FOCAD: variants seen among roughly 807,000 people sequenced by gnomAD.
FOCAD encodes the protein focadhesin, also known as KIAA1797.
A neutral mutation model predicts 225.6 loss-of-function variants in FOCAD; 198 were observed. The ratio of observed to expected loss-of-function variants is 0.88; its 90% CI spans 0.78 to 0.99. The LOEUF is 0.99. FOCAD is among the 50% of genes least tolerant of loss of function. The pLI, the probability that FOCAD is intolerant of heterozygous loss-of-function variation, is 0.00. For synonymous variants in FOCAD, 897 were observed against 755.0 expected, an observed-to-expected ratio of 1.19 and a Z score of -3.08; for missense variants, 2,713 against 2,123.6, an observed-to-expected ratio of 1.28 and a Z score of -5.46.
chr9:20,854,944 T>TTTTTAATAATTCAACTAA (rs1312281426), intron 15 of FOCAD, among the ~76,000 whole-genome samples: 2 of 151,824 alleles, frequency 1.3e-5, no homozygotes. Context: ...TTGATTTGCA[T>TTTTTAATAATTCAACTAA]TTTTAATAAT....
intron 5 of FOCAD, among the ~76,000 whole-genome samples, chr9:20,757,559 A>G (rs1829166998): frequency 6.6e-6 from 1 of 152,176 alleles, no homozygotes; most frequent in Admixed American, 6.5e-5. Flanking sequence ...TGGAAGGAAT[A>G]TTTCCTTTTT....
upstream of FOCAD, chr9:20,684,204 C>T (rs553457005): frequency 1.4e-4 from 22 of 152,464 alleles, no homozygotes; most frequent in African/African-American, 5.3e-4. Flanking sequence ...CATTGGCTCT[C>T]TCCTGCAGTC....
chr9:20,704,196 T>A (rs1467410337), intron 1 of FOCAD, among the ~76,000 whole-genome samples: 1 of 152,234 alleles, frequency 6.6e-6, no homozygotes, highest in Non-Finnish European at 1.5e-5. Flanking sequence ...TTTGTTTTTG[T>A]CCTTGTAACC....
At chr9:20,978,910 AAGGGGACC>A (rs1360181398) in intron 37 of FOCAD, among the ~76,000 whole-genome samples, 3 of 152,196 alleles carry the variant, frequency 2.0e-5, no homozygotes, top group African/African-American at 7.2e-5. Context: ...GTATCACATC[AAGGGGACC>A]AGGGGATGTA....
intron 1 of FOCAD, among the ~76,000 whole-genome samples, chr9:20,714,647 C>CCTTA (rs1825172876): frequency 2.9e-5 from 4 of 137,768 alleles, no homozygotes; most frequent in African/African-American, 8.9e-5. Context: ...TTCCTTCCTT[C>CCTTA]CTTCCTTCCT....
chr9:20,958,534 T>G (rs1475977470), intron 35 of FOCAD, among the ~76,000 whole-genome samples: 1 of 152,174 alleles, frequency 6.6e-6, no homozygotes. Context: ...CATTTCTTTG[T>G]GTTGGGAACA....
At chr9:20,769,018 A>C (rs761916682) in intron 7 of FOCAD, among the ~76,000 whole-genome samples, 1 of 152,104 alleles carries the variant, frequency 6.6e-6, no homozygotes, top group Admixed American at 6.6e-5. Flanking sequence ...CACTCAAGGA[A>C]ATATATTGTC....
intron 5 of FOCAD, among the ~76,000 whole-genome samples, chr9:20,753,315 T>C (rs1587021286): frequency 2.0e-5 from 3 of 152,034 alleles, no homozygotes; most frequent in African/African-American, 7.2e-5. Flanking sequence ...ATAGCTCTTA[T>C]TATTTTGAAA....
chr9:20,704,757 T>C (rs1465958914), intron 1 of FOCAD, among the ~76,000 whole-genome samples: 1 of 152,208 alleles, frequency 6.6e-6, no homozygotes, highest in East Asian at 1.9e-4. Flanking sequence ...TGACACCCTT[T>C]AGTGATGGAT....
intron 28 of FOCAD, among the ~76,000 whole-genome samples, chr9:20,933,522 A>G (rs1233839875): frequency 2.6e-5 from 4 of 152,144 alleles, no homozygotes; most frequent in Non-Finnish European, 5.9e-5. Context: ...TGTGAATGCC[A>G]TTAGTTCATT....
chr9:20,713,366 C>A (rs571254858), intron 1 of FOCAD, among the ~76,000 whole-genome samples: 1 of 152,164 alleles, frequency 6.6e-6, no homozygotes, highest in Non-Finnish European at 1.5e-5. Context: ...GACACTCTTC[C>A]GCCTAGATAT....
chr9:20,851,659 G>C (rs1448138377), intron 15 of FOCAD, among the ~76,000 whole-genome samples: 3 of 151,824 alleles, frequency 2.0e-5, no homozygotes, highest in Admixed American at 2.0e-4. Flanking sequence ...CTCTACTCTA[G>C]ACCTACTGAG....
intron 40 of FOCAD, among the ~76,000 whole-genome samples, chr9:20,987,267 A>C (rs1283274795): frequency 6.6e-6 from 1 of 152,158 alleles, no homozygotes; most frequent in East Asian, 1.9e-4. Flanking sequence ...CCAGCCCTTC[A>C]GGAGGCAAGG....
At chr9:20,764,479 C>G (rs1829887253) in intron 6 of FOCAD, among the ~76,000 whole-genome samples, 1 of 152,200 alleles carries the variant, frequency 6.6e-6, no homozygotes, top group African/African-American at 2.4e-5. Flanking sequence ...GTCTCTATCT[C>G]CTGACCTCAT....
At chr9:20,772,980 G>A (rs925433863) in intron 8 of FOCAD, among the ~76,000 whole-genome samples, 1 of 37,646 alleles carries the variant, frequency 2.7e-5, no homozygotes, top group Non-Finnish European at 5.5e-5. Flanking sequence ...GTATATAAAT[G>A]CATATATAGA....
intron 19 of FOCAD, among the ~76,000 whole-genome samples, chr9:20,881,000 GTTA>G (rs1830621869): frequency 6.6e-6 from 1 of 152,042 alleles, no homozygotes; most frequent in Non-Finnish European, 1.5e-5. Flanking sequence ...TCATATTTCT[GTTA>G]TTATATAGTA....
chr9:20,917,438 A>C (rs182406929), intron 24 of FOCAD, among the ~76,000 whole-genome samples: 81 of 152,338 alleles, frequency 5.3e-4, no homozygotes, highest in African/African-American at 1.7e-3. Context: ...TTTTAACAAA[A>C]ATTACTTGAG....
At chr9:20,882,339 G>C (rs1034375908) in intron 20 of FOCAD, among the ~76,000 whole-genome samples, 2 of 152,226 alleles carry the variant, frequency 1.3e-5, no homozygotes, top group Non-Finnish European at 2.9e-5. Flanking sequence ...GGAAGAAAGA[G>C]AAACTAGAGG....
intron 20 of FOCAD, among the ~76,000 whole-genome samples, chr9:20,882,896 C>G (rs763953532): frequency 6.6e-6 from 1 of 152,146 alleles, no homozygotes; most frequent in Non-Finnish European, 1.5e-5. Context: ...GAGTCAAAGA[C>G]TCATTAGACT....
Sources: allele counts gnomAD v4.1 joint callset (sites outside exome capture counted in the v4.1 genomes callset), GRCh38; gene constraint gnomAD v4.1.1; transcripts MANE v1.5; gene names NCBI Gene and HGNC (gene_info 2026-07-23, HGNC 2026-07-21).